Variants in MDGA2 observed in about 807,000 individuals in gnomAD.
MDGA2 encodes the protein MAM domain containing glycosylphosphatidylinositol anchor 2, also known as MAM domain-containing glycosylphosphatidylinositol anchor protein 2.
Under a neutral mutation model 117.8 loss-of-function variants are expected in MDGA2, and 40 were observed. That is an observed-to-expected ratio of 0.34 (90% CI 0.26 to 0.44). The LOEUF (loss-of-function observed/expected upper bound fraction) is 0.44. MDGA2 is among the 20% of genes least tolerant of loss of function. MDGA2 has a pLI of 1.00. For missense variants in MDGA2, 1,123 were observed against 1,250.6 expected (o/e 0.90, Z 1.54); for synonymous variants, 452 against 439.0 (o/e 1.03, Z -0.37).
At chr14:47,177,774 C>T (rs921495381) in intron 3 of MDGA2, among the ~76,000 whole-genome samples, 190 of 151,926 alleles carry the variant, frequency 1.3e-3, no homozygotes, top group African/African-American at 4.3e-3. Flanking sequence ...ACATTGTGCA[C>T]ATGTACCCTA....
intron 1 of MDGA2, among the ~76,000 whole-genome samples, chr14:47,421,697 C>T (rs928439031): frequency 2.0e-5 from 3 of 151,968 alleles, no homozygotes. Flanking sequence ...TGTGAGGAAA[C>T]AAAATCAAAT....
intron 1 of MDGA2, among the ~76,000 whole-genome samples, chr14:47,528,906 C>A (rs986810761): frequency 6.6e-6 from 1 of 151,846 alleles, no homozygotes; most frequent in East Asian, 1.9e-4. Flanking sequence ...CAGGTACAAA[C>A]TATATATATT....
chr14:47,106,472 G>A (rs553161585), intron 5 of MDGA2, among the ~76,000 whole-genome samples: 11 of 151,866 alleles, frequency 7.2e-5, no homozygotes, highest in Non-Finnish European at 1.5e-4. Context: ...CGGAAATCTG[G>A]CCACTGGGCC....
intron 7 of MDGA2, among the ~76,000 whole-genome samples, chr14:47,036,484 T>C (rs1888861373): frequency 6.6e-6 from 1 of 152,172 alleles, no homozygotes; most frequent in African/African-American, 2.4e-5. Flanking sequence ...CTAGTTCCAC[T>C]GGAAGATTCT....
intron 2 of MDGA2, among the ~76,000 whole-genome samples, chr14:47,265,735 C>CCACT (rs1381612692): frequency 6.6e-6 from 1 of 152,000 alleles, no homozygotes; most frequent in African/African-American, 2.4e-5. Flanking sequence ...AATCACAACT[C>CCACT]CACTGTAAGG....
chr14:47,085,878 T>C lies in MDGA2; in HGVS notation c.1195+10976A>G, dbSNP rs913736307. ...GCACAAAGCAATCTGTAAGCCCAGA[T>C]GGCTTCTCCTGAGTTATTTAAAACA... On this transcript the variant is annotated intron_variant, in intron 6 of 16. Transcript: ENST00000399232. Among the ~76,000 whole-genome samples the C allele has an allele frequency of 1.8e-4, 27 of 152,196 alleles. 1 individual carries two copies. The Middle Eastern group carries it at 0.014, about 77-fold the overall frequency.
intron 2 of MDGA2, among the ~76,000 whole-genome samples, chr14:47,293,350 A>G (rs1022658299): frequency 4.6e-5 from 7 of 152,204 alleles, no homozygotes; most frequent in African/African-American, 1.7e-4. Flanking sequence ...ATTCTTACTC[A>G]TAATTAACCC....
chr14:47,307,210 T>C (rs1278534686), intron 1 of MDGA2, among the ~76,000 whole-genome samples: 1 of 152,150 alleles, frequency 6.6e-6, no homozygotes, highest in Non-Finnish European at 1.5e-5. Context: ...TCTGAGTTTC[T>C]GGTTTAATAT....
At chr14:47,333,273 G>A (rs1008632342) in intron 1 of MDGA2, among the ~76,000 whole-genome samples, 2 of 151,856 alleles carry the variant, frequency 1.3e-5, no homozygotes, top group African/African-American at 4.8e-5. Flanking sequence ...ATGTAAAAGC[G>A]TTCCCCTTTC....
chr14:46,886,140 T>C (rs75278026), intron 10 of MDGA2, among the ~76,000 whole-genome samples: 1,536 of 152,110 alleles, frequency 0.01, 14 homozygotes, highest in Admixed American at 0.015. Context: ...AAAATGCAAA[T>C]TGGTATAAGT....
chr14:47,533,112 T>A (rs953927734), intron 1 of MDGA2, among the ~76,000 whole-genome samples: 1 of 152,234 alleles, frequency 6.6e-6, no homozygotes, highest in Admixed American at 6.5e-5. Context: ...TTAAAGTCAA[T>A]CACTGAGACC....
At chr14:46,947,825 T>C (rs1047929162) in intron 9 of MDGA2, among the ~76,000 whole-genome samples, 4 of 151,504 alleles carry the variant, frequency 2.6e-5, no homozygotes, top group African/African-American at 9.8e-5. Context: ...TCGTCCTTTT[T>C]ACTTTCTAAT....
At chr14:47,334,819 G>C (rs1688757130) in intron 1 of MDGA2, among the ~76,000 whole-genome samples, 1 of 151,864 alleles carries the variant, frequency 6.6e-6, no homozygotes, top group Non-Finnish European at 1.5e-5. Flanking sequence ...TATCTAATGT[G>C]GTGGAAGGAT....
At chr14:47,572,226 G>A (rs995814559) in intron 1 of MDGA2, among the ~76,000 whole-genome samples, 3 of 152,150 alleles carry the variant, frequency 2.0e-5, no homozygotes, top group Non-Finnish European at 4.4e-5. Context: ...CAAGGTATGT[G>A]CGTGTACAGT....
chr14:47,302,947 T>C (rs982388468), intron 1 of MDGA2, among the ~76,000 whole-genome samples: 1 of 152,180 alleles, frequency 6.6e-6, no homozygotes, highest in Non-Finnish European at 1.5e-5. Context: ...ATAATCCTGT[T>C]ACTCAACCTT....
chr14:47,208,438 GA>G (rs928891010), intron 3 of MDGA2, among the ~76,000 whole-genome samples: 10 of 151,214 alleles, frequency 6.6e-5, no homozygotes, highest in Non-Finnish European at 1.5e-4. Context: ...AAATACGTGG[GA>G]AAAAAACACA....
chr14:47,361,368 C>T (rs1891121579), intron 1 of MDGA2, among the ~76,000 whole-genome samples: 1 of 152,030 alleles, frequency 6.6e-6, no homozygotes, highest in Admixed American at 6.5e-5. Context: ...CTGCCAGCAC[C>T]TTGATCTTGG....
At chr14:47,130,207 A>C (rs919339333) in intron 5 of MDGA2, among the ~76,000 whole-genome samples, 3 of 151,954 alleles carry the variant, frequency 2.0e-5, no homozygotes, top group Non-Finnish European at 2.9e-5. Flanking sequence ...GTTTTCTTCT[A>C]GGGTTTTTAT....
At chr14:47,038,168 G>A (rs1888925986) in intron 7 of MDGA2, among the ~76,000 whole-genome samples, 1 of 152,164 alleles carries the variant, frequency 6.6e-6, no homozygotes. Context: ...CCGATCTTAG[G>A]TGATCTACCC....
Sources: allele counts gnomAD v4.1 joint callset (sites outside exome capture counted in the v4.1 genomes callset), GRCh38; gene constraint gnomAD v4.1.1; transcripts MANE v1.5; gene names NCBI Gene and HGNC (gene_info 2026-07-23, HGNC 2026-07-21).